FBF1: variants seen among roughly 807,000 people sequenced by gnomAD.
The protein encoded by FBF1 is fas-binding factor 1.
In FBF1, 119 loss-of-function variants were observed where a neutral mutation model predicts 147.2. The ratio of observed to expected loss-of-function variants is 0.81; its 90% CI spans 0.70 to 0.94. FBF1 has a LOEUF of 0.94. FBF1 is among the 40% of genes least tolerant of loss of function. The pLI is 0.00. For missense variants in FBF1, 1,449 were observed against 1,500.8 expected (o/e 0.97, Z 0.57); for synonymous variants, 601 against 609.0 (o/e 0.99, Z 0.19).
intron 13 of FBF1, among the ~76,000 whole-genome samples, chr17:75,924,535 T>C (rs1644256228): frequency 6.6e-6 from 1 of 152,040 alleles, no homozygotes; most frequent in South Asian, 2.1e-4. Flanking sequence ...GTGCAGTGAG[T>C]GGTGCAATCT....
intron 3 of FBF1, among the ~76,000 whole-genome samples, chr17:75,936,525 A>G (rs9890132): frequency 0.046 from 6,977 of 151,430 alleles, 188 homozygotes; most frequent in Middle Eastern, 0.11. Flanking sequence ...CAAAACAAAA[A>G]TTAGCCGGGC....
In FBF1 at chr17:75,929,932, A is replaced by G; in HGVS notation, c.279+65T>C. On this transcript the variant is annotated intron_variant, in intron 7 of 29. Coordinates refer to ENST00000636174, the MANE Select transcript of FBF1 (RefSeq NM_001319193.2). The stretch of plus-strand genomic sequence containing the variant: ...ATTAGAAGGAGAATGAAGCTTTGGT[A>G]CAAAATATCATGACCCCACCCCACC... 3 of 1,237,746 alleles carry G rather than the reference A, an allele frequency of 2.4e-6. No homozygotes were observed. The South Asian group carries it at 3.9e-5, about 16-fold the overall frequency. The allele number at this position is 1,237,746 out of a possible 1,614,324, so 76.7% of individuals were successfully genotyped here.
rs774854401 is a variant in FBF1 at position 75,914,260 on chromosome 17, C to T, written c.2853G>A (p.Arg951=). The T allele has an allele frequency of 6.3e-7, 1 of 1,593,110 alleles. No individual in the cohort carries two copies. Among genetic ancestry groups the T allele is most frequent in the Non-Finnish European group, 8.5e-7 (1 of 1,173,182 alleles). The change falls in exon 26 of 30, where the codon CGG becomes CGA. Residue 951 remains arginine (R), a synonymous_variant. Transcript: ENST00000636174. The stretch of plus-strand genomic sequence containing the variant: ...CCGCTGCCAGCTGCTTCTCCTCGGC[C>T]CGGAGCTCGCTGGCCCTGATCTTCA... ...AELKIRASEL[R]AEEKQLAAER...
chr17:75,927,381 G>T, intron 9 of FBF1, 74 bp downstream of exon 9: 1 of 1,341,362 alleles, frequency 7.5e-7, no homozygotes, highest in Non-Finnish European at 1.0e-6. Flanking sequence ...CTGGGCCTCG[G>T]GCCAGCAAGC....
Position 75,925,481 on chromosome 17 carries a change from G to A in FBF1, c.869-35C>T. 9 of 1,568,446 alleles carry A rather than the reference G, an allele frequency of 5.7e-6. No individual in the cohort carries two copies. The highest frequency in any genetic ancestry group is 7.8e-6 in the Non-Finnish European group (9 of 1,150,916). On this transcript the variant is annotated intron_variant, in intron 12 of 29. Coordinates refer to ENST00000636174, the MANE Select transcript of FBF1 (RefSeq NM_001319193.2). The surrounding 1 kb of genome is among the most constrained non-coding windows in gnomAD (Gnocchi z 5.0). Reference sequence around the variant, plus strand: ...AAGGAGCCTGTGACCGTGATCTGGAGTAGGGGAACCAAGCTCATTTGCGGC... The same window carrying A: ...AAGGAGCCTGTGACCGTGATCTGGAATAGGGGAACCAAGCTCATTTGCGGC...
chr17:75,930,740 G>C (rs1354470587), intron 6 of FBF1, among the ~76,000 whole-genome samples: 2 of 152,180 alleles, frequency 1.3e-5, no homozygotes, highest in African/African-American at 4.8e-5. Context: ...TGACCAACAG[G>C]GTGAAACCCC....
rs2065448188 is a variant in FBF1, at chr17:75,910,015, C to A, written c.*708G>T. On this transcript the variant is annotated 3_prime_UTR_variant, in exon 30 of 30. Transcript: ENST00000636174. This position sits in a 1 kb window ranked among gnomAD's most constrained non-coding sequence, Gnocchi z 4.1. The stretch of plus-strand genomic sequence containing the variant: ...ACAGAGGCTTCCCTCCTCGTCCCTC[C>A]CCACACCCCACCATCGCCACAGCTC... The A allele has an allele frequency of 1.5e-6, 1 of 675,642 alleles. No individual in the cohort carries two copies. Among genetic ancestry groups the A allele is most frequent in the Non-Finnish European group, 2.7e-6 (1 of 367,990 alleles). The allele number at this position is 675,642 out of a possible 1,614,324, so 41.9% of individuals were successfully genotyped here.
intron 13 of FBF1, among the ~76,000 whole-genome samples, chr17:75,924,175 C>T (rs376274774): frequency 2.0e-5 from 3 of 152,094 alleles, no homozygotes; most frequent in African/African-American, 7.2e-5. Flanking sequence ...GATCATGCCA[C>T]TGCACTCCAG....
chr17:75,921,918 C>T, intron 15 of FBF1, 27 bp downstream of exon 15: 1 of 1,535,540 alleles, frequency 6.5e-7, no homozygotes, highest in Non-Finnish European at 8.8e-7. Flanking sequence ...TGCTCTCATT[C>T]CCACTCAGCC....
In FBF1 at chr17:75,925,517, T is replaced by A; in HGVS notation, c.869-71A>T. ...AAGCTCATTTGCGGCTGCAAAATTC[T>A]AACAAAAGCTGAATTTGGTAGCTTG... On this transcript the variant is annotated intron_variant, in intron 12 of 29. Coordinates refer to ENST00000636174, the MANE Select transcript of FBF1 (RefSeq NM_001319193.2). The surrounding 1 kb of genome is among the most constrained non-coding windows in gnomAD (Gnocchi z 5.0). 7.5e-7 allele frequency: 1 copy of A among 1,325,944 alleles called. No homozygotes were observed. The highest frequency in any genetic ancestry group is 1.1e-6 in the Non-Finnish European group (1 of 949,758). The allele number at this position is 1,325,944 out of a possible 1,614,324, so 82.1% of individuals were successfully genotyped here.
chr17:75,917,944 G>A lies in FBF1; in HGVS notation c.2373C>T (p.Asp791=), dbSNP rs749049859. The A allele has an allele frequency of 9.4e-6, 15 of 1,602,146 alleles. No individual in the cohort carries two copies. In the East Asian group the frequency reaches 1.6e-4, roughly 17 times the overall value. ...QERELGIRQR[D]EQLRALQERL... ...GGGAGGGCGTACCCCGCAGCTGCTCGTCACGCTGCCGGATCCCCAGCTCCC... is the reference window on the plus strand; with the variant it reads ...GGGAGGGCGTACCCCGCAGCTGCTCATCACGCTGCCGGATCCCCAGCTCCC... The change falls in exon 22 of 30, where the codon GAC becomes GAT. Residue 791 remains aspartate, a synonymous_variant. Transcript: ENST00000636174.
At position 75,920,858 on chromosome 17, in the gene FBF1, C is replaced by T. The variant is rs555744403; in HGVS notation, c.1674+386G>A. Among the ~76,000 whole-genome samples the T allele has an allele frequency of 2.7e-5, 4 of 149,952 alleles. No individual in the cohort carries two copies. The East Asian group carries it at 7.8e-4, about 29-fold the overall frequency. Reference sequence around the variant, plus strand: ...GGGGGGGGGGGGCACACCTCCCAGGCCCAGGTGTCACAGGTGACTGCCACA... The same window carrying T: ...GGGGGGGGGGGGCACACCTCCCAGGTCCAGGTGTCACAGGTGACTGCCACA... On this transcript the variant is annotated intron_variant, in intron 17 of 29. Transcript: ENST00000636174.
intron 17 of FBF1, 22 bp from the exon 18 acceptor site, chr17:75,920,451 G>GT: frequency 6.3e-7 from 1 of 1,588,846 alleles, no homozygotes; most frequent in Non-Finnish European, 8.6e-7. Context: ...GAAGAGAGGT[G>GT]TTTCTAGTTA....
rs368616679 is a variant in FBF1, at chr17:75,913,744, G to A, written c.3205C>T (p.Leu1069=). 6.2e-6 allele frequency: 10 copies of A among 1,602,264 alleles called. No homozygotes were observed. The Admixed American group carries it at 6.7e-5, about 11-fold the overall frequency. Residue 1069 remains leucine (L), a synonymous_variant, in exon 28 of 30, where the codon CTG becomes TTG. Coordinates refer to ENST00000636174, the MANE Select transcript of FBF1 (RefSeq NM_001319193.2). ...GCAGGGCCCTGGGCCCTGGGGAACA[G>A]ACCCACGAGGCTAGAGGGCAGGTCC... ...RQDLPSSLVG[L]FPRAQGPAAS... is the part of the protein sequence containing the mutation.
chr17:75,926,004 G>A, intron 12 of FBF1, 26 bp downstream of exon 12: 1 of 1,588,420 alleles, frequency 6.3e-7, no homozygotes, highest in Middle Eastern at 2.3e-4. Flanking sequence ...CTCCCGTCCT[G>A]TTGCGGCCCC....
intron 5 of FBF1, among the ~76,000 whole-genome samples, chr17:75,932,752 G>T (rs955283261): frequency 3.3e-5 from 5 of 152,090 alleles, no homozygotes; most frequent in African/African-American, 1.2e-4. Context: ...CAGGTGTGGT[G>T]GTGGGCACCT....
At chr17:75,937,194 G>A (rs960062873) in intron 3 of FBF1, among the ~76,000 whole-genome samples, 2 of 150,944 alleles carry the variant, frequency 1.3e-5, no homozygotes, top group East Asian at 1.9e-4. Context: ...TTTTTGAGAC[G>A]GAGTCTCACT....
intron 13 of FBF1, among the ~76,000 whole-genome samples, chr17:75,925,000 G>A (rs541934833): frequency 2.0e-5 from 3 of 152,328 alleles, no homozygotes; most frequent in African/African-American, 4.8e-5. Context: ...CCATCAGGAA[G>A]TATGTTCCTT....
rs201897693 is a variant in FBF1 at position 75,940,282 on chromosome 17, GC to G, written c.-84+565del. Among the ~76,000 whole-genome samples the G allele has an allele frequency of 5.6e-3, 841 of 150,658 alleles. 10 individuals are homozygous for G. Among genetic ancestry groups the G allele is most frequent in the African/African-American group, 0.019 (785 of 40,962 alleles). On this transcript the variant is annotated intron_variant, in intron 1 of 29. Coordinates refer to ENST00000636174, the MANE Select transcript of FBF1 (RefSeq NM_001319193.2). ...TTTCCAGACAGGGTCTCGCTCTGTT[GC>G]CCAGGCTGGAGTGCAGTGGCACGAT...
Sources: gnomAD v4.1 joint callset for allele counts (sites outside exome capture counted in the v4.1 genomes callset) on GRCh38, gnomAD v4.1.1 for gene constraint, Gnocchi (gnomAD v3.1) non-coding constraint, MANE v1.5 for transcripts, NCBI Gene and HGNC (gene_info 2026-07-23, HGNC 2026-07-21) for gene names.